DTNA: variants seen among roughly 807,000 people sequenced by gnomAD.
DTNA encodes dystrophin-related protein 3.
A neutral mutation model predicts 100.7 loss-of-function variants in DTNA; 43 were observed. That is an observed-to-expected ratio of 0.43 (90% CI 0.33 to 0.55). The LOEUF (loss-of-function observed/expected upper bound fraction) is 0.55. Ranked by LOEUF, DTNA falls within the 20% of genes least tolerant of loss-of-function variation. The pLI, the probability that DTNA is intolerant of heterozygous loss-of-function variation, is 0.04. For missense variants in DTNA, 798 were observed against 953.9 expected (o/e 0.84, Z 2.15); for synonymous variants, 349 against 347.9 (o/e 1.00, Z -0.04).
intron 1 of DTNA, among the ~76,000 whole-genome samples, chr18:34,520,560 A>G (rs991254460): frequency 3.3e-5 from 5 of 152,178 alleles, no homozygotes; most frequent in Non-Finnish European, 5.9e-5. Flanking sequence ...AGACTGAGAC[A>G]GAAGAGTTGC....
At chr18:34,536,288 C>T (rs977762818) in intron 1 of DTNA, among the ~76,000 whole-genome samples, 1 of 151,878 alleles carries the variant, frequency 6.6e-6, no homozygotes, top group African/African-American at 2.4e-5. Flanking sequence ...TCTTCCTGCT[C>T]ACTGCCAAGT....
intron 1 of DTNA, among the ~76,000 whole-genome samples, chr18:34,531,524 T>C (rs989297283): frequency 3.3e-5 from 5 of 152,284 alleles, no homozygotes; most frequent in African/African-American, 1.2e-4. Flanking sequence ...TTATCCAGTT[T>C]ATAACTTTCT....
chr18:34,676,790 C>A (rs2077453802), intron 1 of DTNA, among the ~76,000 whole-genome samples: 1 of 152,170 alleles, frequency 6.6e-6, no homozygotes, highest in Non-Finnish European at 1.5e-5. Flanking sequence ...GAGCCACGAT[C>A]ATGCCACTGC....
chr18:34,811,000 T>C (rs2095475768), intron 5 of DTNA, among the ~76,000 whole-genome samples: 1 of 152,174 alleles, frequency 6.6e-6, no homozygotes. Context: ...GTAAAAACAA[T>C]GTTCCCAGAT....
intron 3 of DTNA, among the ~76,000 whole-genome samples, chr18:34,779,251 A>G (rs1444113348): frequency 1.3e-5 from 2 of 152,188 alleles, no homozygotes; most frequent in Non-Finnish European, 2.9e-5. Context: ...TACATCCTCC[A>G]CAGTGTCTAG....
At chr18:34,815,531 A>G (rs2095577343) in intron 6 of DTNA, 1 of 231,562 alleles carries the variant, frequency 4.3e-6, no homozygotes. Context: ...ACTGACTGAC[A>G]GGAAAATTGT....
At chr18:34,552,141 A>G (rs2045490656) in intron 1 of DTNA, among the ~76,000 whole-genome samples, 1 of 152,070 alleles carries the variant, frequency 6.6e-6, no homozygotes, top group Admixed American at 6.6e-5. Flanking sequence ...AATTTTCTTC[A>G]GAAATTAATA....
chr18:34,838,000 T>C, intron 11 of DTNA, 94 bp from the exon 12 acceptor site: 2 of 1,092,358 alleles, frequency 1.8e-6, no homozygotes, highest in Non-Finnish European at 1.4e-6. Flanking sequence ...AAATGAAACT[T>C]GGATCTAGAC....
At chr18:34,876,136 T>C (rs1428569564) in intron 18 of DTNA, among the ~76,000 whole-genome samples, 1 of 152,230 alleles carries the variant, frequency 6.6e-6, no homozygotes, top group Non-Finnish European at 1.5e-5. Context: ...GTTTTGCTTT[T>C]GTGTAAATAG....
chr18:34,798,207 T>C (rs1181932545), intron 4 of DTNA, among the ~76,000 whole-genome samples: 2 of 152,094 alleles, frequency 1.3e-5, no homozygotes, highest in Non-Finnish European at 2.9e-5. Flanking sequence ...ACCATATTGC[T>C]CAGGCTGGTC....
intron 1 of DTNA, among the ~76,000 whole-genome samples, chr18:34,643,203 A>T (rs1301199189): frequency 6.6e-6 from 1 of 152,194 alleles, no homozygotes; most frequent in Non-Finnish European, 1.5e-5. Flanking sequence ...CTCCTGTGTT[A>T]ACCATTGCTG....
chr18:34,736,422 A>T (rs1172653580), intron 1 of DTNA, among the ~76,000 whole-genome samples: 1 of 152,238 alleles, frequency 6.6e-6, no homozygotes, highest in Non-Finnish European at 1.5e-5. Flanking sequence ...CATTTATATT[A>T]TCACCAAAGG....
intron 1 of DTNA, among the ~76,000 whole-genome samples, chr18:34,600,390 T>C (rs565831925): frequency 6.6e-6 from 1 of 152,316 alleles, no homozygotes; most frequent in Admixed American, 6.5e-5. Context: ...TAGAGTTACT[T>C]TAATTATTTT....
At chr18:34,866,990 AAC>A (rs2096712566) in intron 17 of DTNA, 1 of 1,212,086 alleles carries the variant, frequency 8.3e-7, no homozygotes, top group Admixed American at 4.3e-5. Context: ...CAAAAAAAAA[AAC>A]AAATTAAATT....
intron 9 of DTNA, chr18:34,822,629 G>GGT (rs149231930): frequency 8.9e-4 from 135 of 152,408 alleles, no homozygotes; most frequent in Admixed American, 2.0e-3. Flanking sequence ...AGGATTGGGT[G>GGT]GTGTGTGTGT....
At chr18:34,524,061 G>C (rs2042384939) in intron 1 of DTNA, among the ~76,000 whole-genome samples, 1 of 152,150 alleles carries the variant, frequency 6.6e-6, no homozygotes, top group Non-Finnish European at 1.5e-5. Flanking sequence ...TAAACATGAA[G>C]ATGGTTGTTC....
chr18:34,713,052 T>G (rs1193817567), intron 1 of DTNA, among the ~76,000 whole-genome samples: 1 of 152,180 alleles, frequency 6.6e-6, no homozygotes, highest in East Asian at 1.9e-4. Flanking sequence ...AGGTGAATTT[T>G]ATTATTGACC....
In DTNA at chr18:34,882,124, G is replaced by A. The variant is rs750006308; in HGVS notation, c.2218G>A (p.Asp740Asn). 1.2e-6 allele frequency: 2 copies of A among 1,614,048 alleles called. No individual in the cohort carries two copies. Among genetic ancestry groups the A allele is most frequent in the Non-Finnish European group, 1.7e-6 (2 of 1,179,998 alleles). Residue 740 changes from aspartate (D) to asparagine (N), a missense_variant, in exon 21 of 23, where the codon GAC (aspartate) becomes AAC (asparagine). Physicochemically the swap from Asp to Asn is conservative, Grantham distance 23. This residue lies in a region of DTNA where 242 missense variants were observed against 238.2 expected (regional missense o/e 1.02). Coordinates refer to ENST00000444659, the MANE Select transcript of DTNA (RefSeq NM_001386795.1). ...GCCTGAAGATGAAAACTATGAAAAT[G>A]ACTCTGTCCGGCAGCTGGAGAATGA... ...VQPEDENYENDSVRQLENELQ... is the reference protein window; with the variant it reads ...VQPEDENYENNSVRQLENELQ...
chr18:34,706,943 A>G (rs2082194641), upstream of DTNA, among the ~76,000 whole-genome samples: 1 of 152,194 alleles, frequency 6.6e-6, no homozygotes, highest in Admixed American at 6.5e-5. Flanking sequence ...CTGTCAACAC[A>G]CTTTCTTTTT....
Sources: allele counts gnomAD v4.1 joint callset (sites outside exome capture counted in the v4.1 genomes callset), GRCh38; gene constraint gnomAD v4.1.1; regional missense constraint gnomAD v4.1.1; transcripts MANE v1.5; gene names NCBI Gene and HGNC (gene_info 2026-07-23, HGNC 2026-07-21).